Variants in FGF14 observed in about 807,000 individuals in gnomAD.
FGF14 encodes fibroblast growth factor homologous factor 4.
Under a neutral mutation model 25.5 loss-of-function variants are expected in FGF14, and 5 were observed. The observed-to-expected ratio is 0.20, with a 90% confidence interval of 0.10 to 0.41. The LOEUF is 0.41. Ranked by LOEUF, FGF14 falls within the 10% of genes least tolerant of loss-of-function variation. The pLI, the probability that FGF14 is intolerant of heterozygous loss-of-function variation, is 1.00. For missense variants in FGF14, 222 were observed against 320.1 expected, an observed-to-expected ratio of 0.69 and a Z score of 2.34; for synonymous variants, 138 against 118.3, an observed-to-expected ratio of 1.17 and a Z score of -1.08.
Position 102,080,925 on chromosome 13 carries a change from G to A in FGF14, c.209-205629C>T, listed in dbSNP as rs150873133. On this transcript the variant is annotated intron_variant, in intron 1 of 4. Transcript: ENST00000376131. ...CTAGACTACCCAGGGGAAGCCACTA[G>A]GCAACCAAGACCACAGAGGACTTCC... Among the ~76,000 whole-genome samples the A allele has an allele frequency of 9.2e-5, 14 of 152,326 alleles. No individual in the cohort carries two copies. The East Asian group carries it at 2.1e-3, about 23-fold the overall frequency.
intron 1 of FGF14, among the ~76,000 whole-genome samples, chr13:101,886,180 T>C (rs540859096): frequency 2.0e-4 from 31 of 152,304 alleles, no homozygotes; most frequent in African/African-American, 7.0e-4. Flanking sequence ...CACTTTATAG[T>C]AATTTATATG....
At chr13:102,214,524 A>C (rs1444577563) in intron 1 of FGF14, among the ~76,000 whole-genome samples, 1 of 152,208 alleles carries the variant, frequency 6.6e-6, no homozygotes, top group Admixed American at 6.5e-5. Context: ...TAAACACAAC[A>C]AAAATACTCA....
intron 1 of FGF14, among the ~76,000 whole-genome samples, chr13:102,312,712 G>GTGTAT (rs1162440037): frequency 6.6e-6 from 1 of 152,176 alleles, no homozygotes; most frequent in Non-Finnish European, 1.5e-5. Context: ...GGAGAAGGAA[G>GTGTAT]TGTATTGTTT....
intron 1 of FGF14, among the ~76,000 whole-genome samples, chr13:101,930,489 G>A (rs1207945255): frequency 6.6e-6 from 1 of 152,142 alleles, no homozygotes; most frequent in South Asian, 2.1e-4. Flanking sequence ...CCACTGGAAT[G>A]CTCCATTTTC....
intron 1 of FGF14, among the ~76,000 whole-genome samples, chr13:102,356,928 C>CATATATATAT (rs3066054): frequency 1.8e-3 from 257 of 141,996 alleles, no homozygotes; most frequent in African/African-American, 6.2e-3. Context: ...CTATAAAATG[C>CATATATATAT]ATATATATAT....
intron 1 of FGF14, among the ~76,000 whole-genome samples, chr13:102,329,330 C>G (rs1362807125): frequency 1.3e-5 from 2 of 152,088 alleles, no homozygotes; most frequent in Non-Finnish European, 2.9e-5. Context: ...TGCTTTTTTT[C>G]CACATGACCC....
At chr13:101,966,899 C>T (rs7324099) in intron 1 of FGF14, among the ~76,000 whole-genome samples, 1 of 152,028 alleles carries the variant, frequency 6.6e-6, no homozygotes, top group Non-Finnish European at 1.5e-5. Context: ...AGCTGGACTC[C>T]GGCTCATATA....
intron 1 of FGF14, among the ~76,000 whole-genome samples, chr13:102,157,885 G>T (rs2047422611): frequency 6.6e-6 from 1 of 152,190 alleles, no homozygotes; most frequent in Non-Finnish European, 1.5e-5. Flanking sequence ...CTTCTCCAAA[G>T]AAGACATTTA....
chr13:102,112,290 C>G (rs1164411345), intron 1 of FGF14, among the ~76,000 whole-genome samples: 1 of 152,110 alleles, frequency 6.6e-6, no homozygotes. Context: ...ACCGTGCTAC[C>G]GCAGCTAGAC....
At chr13:102,241,815 G>A (rs1454902482) in intron 1 of FGF14, among the ~76,000 whole-genome samples, 2 of 152,070 alleles carry the variant, frequency 1.3e-5, no homozygotes, top group Non-Finnish European at 2.9e-5. Flanking sequence ...CTAAAGCTCT[G>A]ATACAGCAAA....
At chr13:102,070,223 A>T (rs974690558) in intron 1 of FGF14, among the ~76,000 whole-genome samples, 12 of 152,248 alleles carry the variant, frequency 7.9e-5, no homozygotes, top group African/African-American at 2.7e-4. Context: ...GCAAAATATC[A>T]GAATAGACAT....
At chr13:102,269,074 G>C (rs2141151836) in intron 1 of FGF14, among the ~76,000 whole-genome samples, 1 of 152,270 alleles carries the variant, frequency 6.6e-6, no homozygotes, top group East Asian at 1.9e-4. Flanking sequence ...CTTAATGTTT[G>C]GGTGATACAG....
intron 1 of FGF14, among the ~76,000 whole-genome samples, chr13:102,147,364 T>C (rs1018466227): frequency 6.6e-6 from 1 of 152,224 alleles, no homozygotes; most frequent in Admixed American, 6.5e-5. Flanking sequence ...CCAGGCCTTC[T>C]GAATATGCAG....
intron 1 of FGF14, among the ~76,000 whole-genome samples, chr13:102,241,213 G>A (rs970840351): frequency 3.3e-5 from 5 of 152,100 alleles, no homozygotes; most frequent in African/African-American, 7.2e-5. Context: ...AGACTCTGTC[G>A]CAATAGCAAT....
At position 101,714,556 on chromosome 13, in the gene FGF14, A is replaced by G. The variant is rs1274296872; in HGVS notation, c.*8275T>C. The G allele has an allele frequency of 7.2e-6, 11 of 1,518,210 alleles. No individual in the cohort carries two copies. Among genetic ancestry groups the G allele is most frequent in the Middle Eastern group, 1.7e-4 (1 of 5,900 alleles). 94.0% of individuals were successfully genotyped at this position (1,518,210 alleles called of 1,614,324 possible). On this transcript the variant is annotated 3_prime_UTR_variant, in exon 5 of 5. Transcript: ENST00000376143. ...ATGATGGTCTCATTTGTACAGGTGC[A>G]GTATTAACCTTTTCTAATTGCTCTA...
chr13:102,337,133 T>C (rs537488882), intron 1 of FGF14, among the ~76,000 whole-genome samples: 39 of 152,310 alleles, frequency 2.6e-4, no homozygotes, highest in African/African-American at 8.4e-4. Flanking sequence ...CCACCATAGA[T>C]AGTAATTCCT....
intron 1 of FGF14, among the ~76,000 whole-genome samples, chr13:102,086,200 G>T (rs1000958698): frequency 6.6e-5 from 10 of 152,172 alleles, no homozygotes; most frequent in African/African-American, 2.4e-4. Context: ...AATGCAATTT[G>T]CTAATTTCAA....
At chr13:102,393,453 A>G (rs939479051) in intron 1 of FGF14, among the ~76,000 whole-genome samples, 1 of 152,242 alleles carries the variant, frequency 6.6e-6, no homozygotes, top group Non-Finnish European at 1.5e-5. Context: ...CAGAGTTGTA[A>G]TAAACTCTGA....
intron 1 of FGF14, among the ~76,000 whole-genome samples, chr13:102,378,237 T>A (rs2058085931): frequency 6.6e-6 from 1 of 152,098 alleles, no homozygotes; most frequent in Admixed American, 6.6e-5. Context: ...TCATCAGGTG[T>A]AACAAATGCA....
Sources: allele counts gnomAD v4.1 joint callset (sites outside exome capture counted in the v4.1 genomes callset), GRCh38; gene constraint gnomAD v4.1.1; transcripts MANE v1.5; gene names NCBI Gene and HGNC (gene_info 2026-07-23, HGNC 2026-07-21).